CCDC171: variants seen among roughly 807,000 people sequenced by gnomAD.
CCDC171 encodes the protein coiled-coil domain containing 171, also known as coiled-coil domain-containing protein 171.
A neutral mutation model predicts 168.2 loss-of-function variants in CCDC171; 177 were observed. The ratio of observed to expected loss-of-function variants is 1.05; its 90% CI spans 0.93 to 1.19. The LOEUF (loss-of-function observed/expected upper bound fraction) is 1.19, where lower values mean the gene tolerates loss of function less well. CCDC171 is among the 50% of genes most tolerant of loss of function. The pLI, the probability that CCDC171 is intolerant of heterozygous loss-of-function variation, is 0.00. For synonymous variants in CCDC171, 687 were observed against 540.8 expected (o/e 1.27, Z -3.75); for missense variants, 1,991 against 1,539.0 (o/e 1.29, Z -4.91).
chr9:15,554,275 C>T, intron 1 of CCDC171, among the ~76,000 whole-genome samples: 1 of 152,200 alleles, frequency 6.6e-6, no homozygotes, highest in East Asian at 1.9e-4. Flanking sequence ...CCGCCTCGGC[C>T]TCCCAAAGTG....
chr9:15,650,344 C>T (rs947353282), intron 7 of CCDC171, among the ~76,000 whole-genome samples: 1 of 152,078 alleles, frequency 6.6e-6, no homozygotes, highest in South Asian at 2.1e-4. Context: ...CACGTGTATA[C>T]ATATGTAACA....
intron 18 of CCDC171, among the ~76,000 whole-genome samples, chr9:15,767,307 G>C (rs771928894): frequency 6.6e-6 from 1 of 152,188 alleles, no homozygotes; most frequent in African/African-American, 2.4e-5. Context: ...GCTTTTAGAA[G>C]CCATCTGCTT....
chr9:16,027,313 AG>A (rs1833293131), intron 6 of CCDC171, among the ~76,000 whole-genome samples: 2 of 152,072 alleles, frequency 1.3e-5, no homozygotes, highest in African/African-American at 4.8e-5. Context: ...TTCTAGTAAA[AG>A]AGAGAGAAAG....
In CCDC171 at chr9:15,777,784, A is replaced by G; in HGVS notation, c.2856A>G (p.Thr952=). Residue 952 remains threonine (T), a synonymous_variant, in exon 19 of 26, where the codon ACA becomes ACG. Transcript: ENST00000380701. ...CCCATGGACTTCATAAAGTAAACAC[A>G]CTGGCCCTGAAATATGGTTTGCGTG... ...RLAHGLHKVN[T]LALKYGLRGH... is the part of the protein sequence containing the mutation. 1.2e-6 allele frequency: 2 copies of G among 1,612,984 alleles called. No individual in the cohort carries two copies. The highest frequency in any genetic ancestry group is 1.7e-6 in the Non-Finnish European group (2 of 1,179,786).
chr9:15,990,476 A>G (rs1832151580), intron 3 of CCDC171, among the ~76,000 whole-genome samples: 1 of 152,230 alleles, frequency 6.6e-6, no homozygotes, highest in Non-Finnish European at 1.5e-5. Flanking sequence ...AAAACATGCC[A>G]AATTGTAAAG....
chr9:16,049,169 A>G (rs762301877), intron 1 of CCDC171, among the ~76,000 whole-genome samples: 2 of 152,228 alleles, frequency 1.3e-5, no homozygotes, highest in African/African-American at 2.4e-5. Flanking sequence ...AGTTGCATGC[A>G]GGATTACTGC....
chr9:15,976,547 T>G (rs2132854343), downstream of CCDC171, among the ~76,000 whole-genome samples: 1 of 152,176 alleles, frequency 6.6e-6, no homozygotes, highest in East Asian at 1.9e-4. Flanking sequence ...TGTTTTTATT[T>G]TATTCCATTT....
At chr9:15,962,770 T>C (rs1830469073) in intron 25 of CCDC171, among the ~76,000 whole-genome samples, 1 of 151,970 alleles carries the variant, frequency 6.6e-6, no homozygotes, top group South Asian at 2.1e-4. Flanking sequence ...CAAACTCTAA[T>C]TCAGTTCTTT....
At chr9:15,688,503 T>G (rs1190790972) in intron 10 of CCDC171, among the ~76,000 whole-genome samples, 1 of 152,136 alleles carries the variant, frequency 6.6e-6, no homozygotes, top group Non-Finnish European at 1.5e-5. Flanking sequence ...CAGCAAGATA[T>G]AAAAAAGATA....
chr9:15,854,574 A>C (rs1411720881), intron 23 of CCDC171, among the ~76,000 whole-genome samples: 1 of 151,036 alleles, frequency 6.6e-6, no homozygotes. Flanking sequence ...TCTGTTCTCT[A>C]TTTTGTATTA....
intron 6 of CCDC171, among the ~76,000 whole-genome samples, chr9:15,606,538 A>G (rs1587362771): frequency 6.6e-6 from 1 of 152,320 alleles, no homozygotes; most frequent in East Asian, 1.9e-4. Flanking sequence ...ATAATAATGT[A>G]ATAGATTAAG....
rs948397359 is a variant in CCDC171 at position 15,677,909 on chromosome 9, T to C, written c.1077-849T>C. ...ATATATATATATATATATATATATA[T>C]ATATATATATATATATAAGAGATGT... On this transcript the variant is annotated intron_variant, in intron 9 of 25. Transcript: ENST00000380701. Among the ~76,000 whole-genome samples the C allele has an allele frequency of 3.4e-3, 90 of 26,156 alleles. 6 individuals are homozygous for C. Among genetic ancestry groups the C allele is most frequent in the Admixed American group, 4.9e-3 (9 of 1,836 alleles). 17.2% of individuals were successfully genotyped at this position (26,156 alleles called of 152,430 possible).
At chr9:15,610,704 T>C (rs2043619829) in intron 6 of CCDC171, among the ~76,000 whole-genome samples, 1 of 151,852 alleles carries the variant, frequency 6.6e-6, no homozygotes, top group African/African-American at 2.4e-5. Flanking sequence ...ACTACAGGTG[T>C]GCACGACCAT....
chr9:16,001,711 G>A (rs1054299011), intron 3 of CCDC171, among the ~76,000 whole-genome samples: 75 of 152,208 alleles, frequency 4.9e-4, no homozygotes, highest in Non-Finnish European at 4.6e-4. Context: ...CAACTTGCAT[G>A]TTTGTGGTGA....
At chr9:15,920,005 G>C (rs182678860) in intron 24 of CCDC171, among the ~76,000 whole-genome samples, 1 of 151,544 alleles carries the variant, frequency 6.6e-6, no homozygotes, top group East Asian at 1.9e-4. Context: ...TTTTAAAACC[G>C]CATTCTAAAT....
At chr9:15,576,298 G>T (rs1644680981) in intron 3 of CCDC171, among the ~76,000 whole-genome samples, 1 of 151,838 alleles carries the variant, frequency 6.6e-6, no homozygotes, top group Non-Finnish European at 1.5e-5. Flanking sequence ...ATTTTATGCT[G>T]TAGCTTCCCA....
At chr9:16,102,488 TGGG>T in the CCDC171 span, among the ~76,000 whole-genome samples, 3 of 50,088 alleles carry the variant, frequency 6.0e-5, no homozygotes, top group African/African-American at 1.7e-4. Flanking sequence ...AAACGTGTGT[TGGG>T]GGGGGGCGGG....
chr9:15,784,466 A>T, intron 20 of CCDC171, 43 bp from the exon 21 acceptor site: 1 of 1,310,906 alleles, frequency 7.6e-7, no homozygotes, highest in South Asian at 1.3e-5. Context: ...ACAACAATGC[A>T]GTTAGCTTTA....
At chr9:15,889,747 C>G (rs1819940389) in intron 24 of CCDC171, among the ~76,000 whole-genome samples, 1 of 152,192 alleles carries the variant, frequency 6.6e-6, no homozygotes, top group Non-Finnish European at 1.5e-5. Flanking sequence ...CTTATCTTTT[C>G]TTACTCAACA....
Sources: allele counts gnomAD v4.1 joint callset (sites outside exome capture counted in the v4.1 genomes callset), GRCh38; gene constraint gnomAD v4.1.1; transcripts MANE v1.5; gene names NCBI Gene and HGNC (gene_info 2026-07-23, HGNC 2026-07-21).